The following POLR3A variants were observed in gnomAD, a reference collection of about 807,000 sequenced individuals.
The protein encoded by POLR3A is DNA-directed RNA polymerase III subunit RPC1.
Under a neutral mutation model 152.8 loss-of-function variants are expected in POLR3A, and 112 were observed. That is an observed-to-expected ratio of 0.73 (90% CI 0.63 to 0.86). The LOEUF is 0.86. Among genes scored for constraint, POLR3A ranks in the 40% least tolerant of loss-of-function variants. The pLI, the probability that POLR3A is intolerant of heterozygous loss-of-function variation, is 0.00. For synonymous variants in POLR3A, 615 were observed against 652.1 expected, an observed-to-expected ratio of 0.94 and a Z score of 0.87; for missense variants, 1,385 against 1,743.1, an observed-to-expected ratio of 0.79 and a Z score of 3.66.
intron 9 of POLR3A, 151 bp downstream of exon 9, chr10:78,019,011 C>T (rs1847552181): frequency 4.3e-6 from 3 of 695,244 alleles, no homozygotes; most frequent in South Asian, 3.1e-5. Context: ...AAATGACATA[C>T]CTTGGCTCAC....
chr10:77,994,778 G>A (rs1847282930), intron 19 of POLR3A, among the ~76,000 whole-genome samples: 1 of 152,116 alleles, frequency 6.6e-6, no homozygotes, highest in Non-Finnish European at 1.5e-5. Context: ...CTAGCAAGGT[G>A]GGCCAACATT....
Position 77,981,306 on chromosome 10 carries a change from T to C in POLR3A, c.3891+122A>G, listed in dbSNP as rs1847138748. On this transcript the variant is annotated intron_variant, in intron 29 of 30. Coordinates refer to ENST00000372371, the MANE Select transcript of POLR3A (RefSeq NM_007055.4). ...TTTTTGAGCAATGTTCACATCTTAT[T>C]TTCTCTCTATGATGGTCCTCACAGC... 9 of 988,774 alleles carry C rather than the reference T, an allele frequency of 9.1e-6. No individual in the cohort carries two copies. In the East Asian group the frequency reaches 1.7e-4, roughly 19 times the overall value. 61.3% of individuals were successfully genotyped at this position (988,774 alleles called of 1,614,324 possible).
At chr10:78,027,588 T>A (rs1366340934) in intron 1 of POLR3A, among the ~76,000 whole-genome samples, 1 of 151,994 alleles carries the variant, frequency 6.6e-6, no homozygotes, top group Non-Finnish European at 1.5e-5. Context: ...TCTTGCTCTG[T>A]CACCCAGGCT....
intron 16 of POLR3A, among the ~76,000 whole-genome samples, chr10:78,003,777 A>C (rs1847382886): frequency 6.6e-6 from 1 of 151,594 alleles, no homozygotes; most frequent in African/African-American, 2.4e-5. Context: ...GCAAAAAAAA[A>C]ATTAGCTGGG....
chr10:77,980,812 G>C (rs1011714241), intron 29 of POLR3A, among the ~76,000 whole-genome samples: 4 of 152,246 alleles, frequency 2.6e-5, no homozygotes, highest in African/African-American at 2.4e-5. Flanking sequence ...AGAAGACATC[G>C]AACCGACAGC....
chr10:77,981,056 C>T (rs1326589206), intron 29 of POLR3A, among the ~76,000 whole-genome samples: 1 of 152,124 alleles, frequency 6.6e-6, no homozygotes, highest in Non-Finnish European at 1.5e-5. Flanking sequence ...GGAATGGCTA[C>T]AGAAGAGTGA....
chr10:77,994,918 C>T (rs1476220671), intron 19 of POLR3A, among the ~76,000 whole-genome samples: 4 of 152,112 alleles, frequency 2.6e-5, no homozygotes, highest in African/African-American at 9.7e-5. Context: ...AGAGAAAGGT[C>T]GGGTTACCCA....
At chr10:78,024,753 T>C (rs1847615552) in intron 4 of POLR3A, 50 bp from the exon 5 acceptor site, 1 of 1,535,166 alleles carries the variant, frequency 6.5e-7, no homozygotes, top group African/African-American at 1.4e-5. Context: ...TGTTCTCAGA[T>C]TGGCCAGAGA....
At chr10:77,995,995 G>T (rs1211663633) in intron 19 of POLR3A, among the ~76,000 whole-genome samples, 3 of 152,082 alleles carry the variant, frequency 2.0e-5, no homozygotes, top group Non-Finnish European at 4.4e-5. Flanking sequence ...CTAGAACTCA[G>T]GATTAAGAAA....
intron 24 of POLR3A, among the ~76,000 whole-genome samples, chr10:77,984,642 G>A (rs1279312669): frequency 6.6e-5 from 10 of 152,160 alleles, no homozygotes; most frequent in Non-Finnish European, 1.3e-4. Context: ...GCGCCCAGCC[G>A]ACTATCTTTC....
intron 15 of POLR3A, among the ~76,000 whole-genome samples, chr10:78,005,951 T>A (rs1398707597): frequency 2.0e-5 from 3 of 152,146 alleles, no homozygotes; most frequent in Non-Finnish European, 4.4e-5. Context: ...TGAGGAAAGA[T>A]TTTAACATGA....
intron 20 of POLR3A, among the ~76,000 whole-genome samples, chr10:77,991,549 G>C (rs1463173125): frequency 6.6e-6 from 1 of 152,096 alleles, no homozygotes; most frequent in Non-Finnish European, 1.5e-5. Flanking sequence ...TTGAGATGGA[G>C]TCTTGCTGGA....
At chr10:77,999,645 C>G (rs1224243547) in intron 19 of POLR3A, among the ~76,000 whole-genome samples, 1 of 152,148 alleles carries the variant, frequency 6.6e-6, no homozygotes, top group Non-Finnish European at 1.5e-5. Flanking sequence ...GAGGCAGAGG[C>G]CTTGCAATAA....
Position 78,026,236 on chromosome 10 carries a change from T to C in POLR3A, c.45-7A>G, listed in dbSNP as rs746629375. 26 of 1,614,096 alleles carry C rather than the reference T, an allele frequency of 1.6e-5. No individual in the cohort carries two copies. Among genetic ancestry groups the C allele is most frequent in the Non-Finnish European group, 1.9e-5 (23 of 1,180,024 alleles). On this transcript the variant is annotated splice_region_variant and splice_polypyrimidine_tract_variant and intron_variant, in intron 1 of 30. Coordinates refer to ENST00000372371, the MANE Select transcript of POLR3A (RefSeq NM_007055.4). ...TCCAAAACAGATGTGGCTTCTGGAA[T>C]GGGAAGAAAAAGGTGAAAATTACAG...
At position 78,021,963 on chromosome 10, in the gene POLR3A, C is replaced by A; in HGVS notation, c.945G>T (p.Leu315=). The A allele has an allele frequency of 1.2e-6, 2 of 1,614,164 alleles. No individual in the cohort carries two copies. Residue 315 remains leucine (L), a synonymous_variant, in exon 7 of 31, where the codon CTG becomes CTT. Transcript: ENST00000372371. ...CACTGTTAATGTAGAGGGCACACTG[C>A]AGCTGCAGGAAATCCCAGTCCTCCA... The part of the protein sequence containing the change: ...MIMEDWDFLQ[L]QCALYINSEL...
rs763054668 is a variant in POLR3A, at chr10:78,024,711, G to C, written c.491-8C>G. The C allele has an allele frequency of 6.2e-7, 1 of 1,609,742 alleles. No individual in the cohort carries two copies. The highest frequency in any genetic ancestry group is 8.5e-7 in the Non-Finnish European group (1 of 1,176,310). The stretch of plus-strand genomic sequence containing the variant: ...CACACTTCTTTACGGTACCTATAAG[G>C]GTTAGTTTATTTACCAAGAAATAAA... On this transcript the variant is annotated splice_polypyrimidine_tract_variant and splice_region_variant and intron_variant, in intron 4 of 30. Transcript: ENST00000372371.
intron 20 of POLR3A, among the ~76,000 whole-genome samples, chr10:77,992,435 A>ATTC (rs1403259209): frequency 1.3e-4 from 17 of 132,636 alleles, no homozygotes; most frequent in Admixed American, 6.7e-4. Flanking sequence ...TCCCTGGCTA[A>ATTC]TTCTTTTTTT....
chr10:78,005,310 T>G (rs544987478), intron 15 of POLR3A, among the ~76,000 whole-genome samples: 2 of 152,368 alleles, frequency 1.3e-5, no homozygotes, highest in South Asian at 4.1e-4. Context: ...CAGCCTCATC[T>G]CTACAAAAAC....
In POLR3A at chr10:78,008,983, T is replaced by A. The variant is rs556241258; in HGVS notation, c.1909+554A>T. Among the ~76,000 whole-genome samples the A allele has an allele frequency of 4.0e-5, 6 of 150,984 alleles. No homozygotes were observed. In the South Asian group the frequency reaches 1.3e-3, roughly 32 times the overall value. ...GCTTGGCCAACACGGTGAAACCCCG[T>A]CTCTACTAAAAATACAAAAATAAGC... On this transcript the variant is annotated intron_variant, in intron 14 of 30. Transcript: ENST00000372371.
Sources: gnomAD v4.1 joint callset for allele counts (sites outside exome capture counted in the v4.1 genomes callset) on GRCh38, gnomAD v4.1.1 for gene constraint, MANE v1.5 for transcripts, NCBI Gene and HGNC (gene_info 2026-07-23, HGNC 2026-07-21) for gene names.